The following GRHL2 variants were observed in gnomAD, a reference collection of about 807,000 sequenced individuals.
GRHL2 encodes the protein grainyhead-like protein 2 homolog.
GRHL2 carries 21 observed loss-of-function variants against 83.8 expected under a neutral mutation model. The ratio of observed to expected loss-of-function variants is 0.25; its 90% CI spans 0.18 to 0.36. The LOEUF is 0.36. Among genes scored for constraint, GRHL2 ranks in the 10% least tolerant of loss-of-function variants. GRHL2 has a pLI of 1.00. For synonymous variants in GRHL2, 280 were observed against 278.9 expected (o/e 1.00, Z -0.04); for missense variants, 623 against 781.8 (o/e 0.80, Z 2.42).
chr8:101,543,201 C>G (rs1563572448), intron 1 of GRHL2, 40 bp from the exon 2 acceptor site: 8 of 1,537,578 alleles, frequency 5.2e-6, no homozygotes, highest in Non-Finnish European at 7.2e-6. Flanking sequence ...AAAATTTGCT[C>G]TCTCTGAAAA....
At chr8:101,562,267 T>C in intron 4 of GRHL2, 1 of 602,012 alleles carries the variant, frequency 1.7e-6, no homozygotes, top group South Asian at 1.6e-5. Flanking sequence ...GGTTCATTTC[T>C]ACATTTTTCA....
chr8:101,646,622 TAGA>T (rs1178306515), intron 13 of GRHL2, among the ~76,000 whole-genome samples: 1 of 152,230 alleles, frequency 6.6e-6, no homozygotes, highest in Non-Finnish European at 1.5e-5. Context: ...GTTTATTTGT[TAGA>T]AGTTCTCCAA....
chr8:101,551,305 G>C (rs1811374927), intron 2 of GRHL2, among the ~76,000 whole-genome samples: 1 of 152,172 alleles, frequency 6.6e-6, no homozygotes, highest in Non-Finnish European at 1.5e-5. Context: ...CTAAAAACCT[G>C]TGAGATAAGG....
intron 7 of GRHL2, among the ~76,000 whole-genome samples, chr8:101,593,790 G>A (rs1371501118): frequency 6.6e-6 from 1 of 152,112 alleles, no homozygotes; most frequent in African/African-American, 2.4e-5. Context: ...AACAGGCTGG[G>A]CATGGTGGCT....
At chr8:101,545,869 C>CTTTTT (rs1563573764) in intron 2 of GRHL2, among the ~76,000 whole-genome samples, 1 of 111,470 alleles carries the variant, frequency 9.0e-6, no homozygotes, top group Non-Finnish European at 1.8e-5. Flanking sequence ...CTCTTTGTAA[C>CTTTTT]ATTTTTTTTT....
At chr8:101,611,663 C>T (rs1812752814) in intron 8 of GRHL2, among the ~76,000 whole-genome samples, 1 of 150,844 alleles carries the variant, frequency 6.6e-6, no homozygotes, top group Non-Finnish European at 1.5e-5. Context: ...CCTCATGCCC[C>T]TGTCCTCTCT....
At chr8:101,609,156 G>C (rs1812696486) in intron 8 of GRHL2, among the ~76,000 whole-genome samples, 1 of 150,308 alleles carries the variant, frequency 6.7e-6, no homozygotes, top group African/African-American at 2.5e-5. Flanking sequence ...GTAGAGGGAG[G>C]GGAGCTGGAG....
At chr8:101,566,694 T>C (rs1456077811) in intron 4 of GRHL2, among the ~76,000 whole-genome samples, 1 of 151,396 alleles carries the variant, frequency 6.6e-6, no homozygotes, top group African/African-American at 2.4e-5. Context: ...TCCTCCCCCA[T>C]ACAACCTTAT....
At chr8:101,656,818 G>A (rs1302402174) in intron 14 of GRHL2, among the ~76,000 whole-genome samples, 2 of 151,814 alleles carry the variant, frequency 1.3e-5, no homozygotes, top group Non-Finnish European at 1.5e-5. Flanking sequence ...TATATACTGG[G>A]TGTGTGTTCA....
intron 1 of GRHL2, among the ~76,000 whole-genome samples, chr8:101,504,026 A>T (rs1810285045): frequency 1.3e-5 from 2 of 152,174 alleles, no homozygotes; most frequent in South Asian, 2.1e-4. Flanking sequence ...GTATGTATTT[A>T]AAAAAATTAA....
At chr8:101,672,418 A>C (rs192243723), downstream of GRHL2, among the ~76,000 whole-genome samples, 14,519 of 151,834 alleles carry the variant, frequency 0.096, 847 homozygotes, top group Middle Eastern at 0.14. Context: ...CAGAAGCCTC[A>C]GGAGCCAATG....
intron 13 of GRHL2, among the ~76,000 whole-genome samples, chr8:101,648,024 C>T (rs10091039): frequency 0.1 from 15,619 of 152,060 alleles, 810 homozygotes; most frequent in South Asian, 0.13. Context: ...GTGCATTTTC[C>T]CTAGATGGCC....
At chr8:101,652,815 A>AGAG (rs879851688) in intron 14 of GRHL2, among the ~76,000 whole-genome samples, 1 of 152,142 alleles carries the variant, frequency 6.6e-6, no homozygotes, top group Non-Finnish European at 1.5e-5. Flanking sequence ...ATGAGACAAC[A>AGAG]GAGATCTGAA....
In GRHL2 at chr8:101,518,224, C is replaced by T. The variant is rs545738419; in HGVS notation, c.21-25017C>T. ...AAAATCATTAATCCAGCCTGGTCAA[C>T]GTGGCAAAAACCCGTTTCTACAAAA... On this transcript the variant is annotated intron_variant, in intron 1 of 15. Transcript: ENST00000646743. Among the ~76,000 whole-genome samples, 45 of 152,258 alleles carry T rather than the reference C, an allele frequency of 3.0e-4. No homozygotes were observed. In the South Asian group the frequency reaches 6.6e-3, roughly 22 times the overall value.
At chr8:101,608,834 C>T (rs1292091401) in intron 8 of GRHL2, among the ~76,000 whole-genome samples, 2 of 149,574 alleles carry the variant, frequency 1.3e-5, no homozygotes, top group Non-Finnish European at 1.5e-5. Context: ...TCTGTGGGAT[C>T]AGGAAGACAC....
At chr8:101,679,667 G>C in the GRHL2 span, among the ~76,000 whole-genome samples, 116 of 151,694 alleles carry the variant, frequency 7.6e-4, 5 homozygotes, top group South Asian at 0.023. Flanking sequence ...GTTAAGGACA[G>C]CCAGAGAACA....
chr8:101,643,725 G>C (rs997134142), intron 12 of GRHL2, among the ~76,000 whole-genome samples: 12 of 152,238 alleles, frequency 7.9e-5, no homozygotes, highest in African/African-American at 2.7e-4. Context: ...CTGGCAAAAG[G>C]GGGCAGGCCA....
chr8:101,605,455 A>G (rs777602639), intron 8 of GRHL2, among the ~76,000 whole-genome samples: 1 of 152,244 alleles, frequency 6.6e-6, no homozygotes, highest in African/African-American at 2.4e-5. Context: ...TTCTTTAAGC[A>G]ATCTATAGGG....
In GRHL2 at chr8:101,612,020, C is replaced by G. The variant is rs1021971131; in HGVS notation, c.1099-7519C>G. Among the ~76,000 whole-genome samples, 2 of 150,896 alleles carry G rather than the reference C, an allele frequency of 1.3e-5. 1 individual carries two copies. Among genetic ancestry groups the G allele is most frequent in the African/African-American group, 5.0e-5 (2 of 40,302 alleles). ...TTTTTGAGATGGAGTCTCGCTCGCT[C>G]TGTCACCTAGGCTGGATGGAGTGCA... On this transcript the variant is annotated intron_variant, in intron 8 of 15. Transcript: ENST00000646743.
Sources: allele counts gnomAD v4.1 joint callset (sites outside exome capture counted in the v4.1 genomes callset), GRCh38; gene constraint gnomAD v4.1.1; transcripts MANE v1.5; gene names NCBI Gene and HGNC (gene_info 2026-07-23, HGNC 2026-07-21).